Variants in PCSK2 observed in about 807,000 individuals in gnomAD.
The protein encoded by PCSK2 is proprotein convertase subtilisin/kexin type 2.
A neutral mutation model predicts 69.7 loss-of-function variants in PCSK2; 14 were observed. The observed-to-expected ratio is 0.20, with a 90% CI of 0.13 to 0.31. The LOEUF is 0.31. PCSK2 is among the 10% of genes least tolerant of loss of function. The pLI is 1.00. For synonymous variants in PCSK2, 307 were observed against 320.7 expected, an observed-to-expected ratio of 0.96 and a Z score of 0.46; for missense variants, 544 against 842.5, an observed-to-expected ratio of 0.65 and a Z score of 4.39.
intron 2 of PCSK2, among the ~76,000 whole-genome samples, chr20:17,305,000 A>G (rs1183248897): frequency 6.6e-6 from 1 of 151,972 alleles, no homozygotes; most frequent in Non-Finnish European, 1.5e-5. Context: ...TTTCAATCTC[A>G]TTTCACAAGC....
intron 2 of PCSK2, among the ~76,000 whole-genome samples, chr20:17,302,465 A>T (rs1321726207): frequency 4.6e-5 from 7 of 152,068 alleles, no homozygotes; most frequent in Admixed American, 4.6e-4. Context: ...TTTTCTTCTT[A>T]CTGAAGCACA....
At chr20:17,351,247 T>C (rs942273121) in intron 2 of PCSK2, among the ~76,000 whole-genome samples, 3 of 152,106 alleles carry the variant, frequency 2.0e-5, no homozygotes, top group Non-Finnish European at 4.4e-5. Context: ...TGAACTGGAA[T>C]TGTGAAATAG....
intron 5 of PCSK2, among the ~76,000 whole-genome samples, chr20:17,384,925 C>T (rs1351800519): frequency 6.6e-6 from 1 of 151,938 alleles, no homozygotes; most frequent in Non-Finnish European, 1.5e-5. Flanking sequence ...GCAACCCTGA[C>T]TCAAAAAAAT....
chr20:17,442,129 C>G (rs1281555393), intron 8 of PCSK2, among the ~76,000 whole-genome samples: 1 of 151,462 alleles, frequency 6.6e-6, no homozygotes, highest in East Asian at 1.9e-4. Flanking sequence ...CCCAGGAGAG[C>G]CAGAGATGGC....
chr20:17,267,034 C>A (rs1479404968), intron 2 of PCSK2, among the ~76,000 whole-genome samples: 1 of 152,166 alleles, frequency 6.6e-6, no homozygotes, highest in South Asian at 2.1e-4. Flanking sequence ...ATTCAAGAGG[C>A]ATTTTCTGGG....
chr20:17,239,219 A>T (rs1330982107), intron 1 of PCSK2, among the ~76,000 whole-genome samples: 1 of 152,138 alleles, frequency 6.6e-6, no homozygotes, highest in Admixed American at 6.5e-5. Context: ...GGGAAGAAAA[A>T]ATATCACTTT....
chr20:17,466,290 A>G (rs1245892485), intron 11 of PCSK2, among the ~76,000 whole-genome samples: 1 of 152,138 alleles, frequency 6.6e-6, no homozygotes, highest in Non-Finnish European at 1.5e-5. Context: ...ATCATACACT[A>G]TGTCCTGTTT....
chr20:17,316,026 C>T (rs753295013), intron 2 of PCSK2, among the ~76,000 whole-genome samples: 17 of 152,222 alleles, frequency 1.1e-4, no homozygotes, highest in Non-Finnish European at 2.2e-4. Flanking sequence ...ATTAACTCTG[C>T]CTCTCCAGTC....
chr20:17,358,135 C>CG (rs1873956895), intron 2 of PCSK2, among the ~76,000 whole-genome samples, 192 bp from the exon 3 acceptor site: 1 of 151,244 alleles, frequency 6.6e-6, no homozygotes, highest in Admixed American at 6.6e-5. Context: ...GCGAGACCCC[C>CG]CCTAATCTCT....
chr20:17,357,095 A>C (rs1196011232), intron 2 of PCSK2, among the ~76,000 whole-genome samples: 1 of 152,222 alleles, frequency 6.6e-6, no homozygotes, highest in Non-Finnish European at 1.5e-5. Flanking sequence ...GAGTTTGTAC[A>C]TGTTCGGAGA....
chr20:17,391,983 G>A (rs923574516), intron 5 of PCSK2, among the ~76,000 whole-genome samples: 2 of 150,362 alleles, frequency 1.3e-5, no homozygotes, highest in Non-Finnish European at 3.0e-5. Context: ...GAAGGGAAGG[G>A]AAGGAAGGAA....
intron 2 of PCSK2, among the ~76,000 whole-genome samples, chr20:17,286,610 C>G (rs968314794): frequency 6.6e-6 from 1 of 152,174 alleles, no homozygotes; most frequent in Non-Finnish European, 1.5e-5. Flanking sequence ...TGTAGCAATT[C>G]TTGCAAAGCA....
chr20:17,260,733 G>C (rs1311730007), intron 2 of PCSK2, among the ~76,000 whole-genome samples: 3 of 152,172 alleles, frequency 2.0e-5, no homozygotes, highest in Non-Finnish European at 4.4e-5. Context: ...GCTCAGAGGA[G>C]GTTGCCATGC....
chr20:17,246,931 C>T (rs547356544), intron 1 of PCSK2, among the ~76,000 whole-genome samples: 1 of 152,290 alleles, frequency 6.6e-6, no homozygotes, highest in Admixed American at 6.5e-5. Flanking sequence ...TCTTCTCTCT[C>T]CCTTTGCTCT....
At chr20:17,381,270 C>T (rs1342799081) in intron 5 of PCSK2, among the ~76,000 whole-genome samples, 2 of 152,184 alleles carry the variant, frequency 1.3e-5, no homozygotes, top group Admixed American at 6.5e-5. Context: ...TAGCAATGTT[C>T]CTTAACATCA....
At chr20:17,286,605 C>T (rs568919839) in intron 2 of PCSK2, among the ~76,000 whole-genome samples, 1 of 152,300 alleles carries the variant, frequency 6.6e-6, no homozygotes, top group South Asian at 2.1e-4. Flanking sequence ...AAAAATGTAG[C>T]AATTCTTGCA....
intron 2 of PCSK2, among the ~76,000 whole-genome samples, chr20:17,318,460 G>A (rs755336538): frequency 6.6e-5 from 10 of 152,126 alleles, no homozygotes; most frequent in Non-Finnish European, 1.3e-4. Flanking sequence ...TCATATAGAT[G>A]AAAAACAACA....
intron 1 of PCSK2, among the ~76,000 whole-genome samples, chr20:17,249,247 C>T (rs1177160451): frequency 1.3e-5 from 2 of 152,112 alleles, no homozygotes; most frequent in Non-Finnish European, 2.9e-5. Context: ...TGGCTCACGC[C>T]TGTAATCCCA....
chr20:17,257,057 T>C (rs1334219038), intron 1 of PCSK2, among the ~76,000 whole-genome samples: 4 of 152,132 alleles, frequency 2.6e-5, no homozygotes, highest in African/African-American at 9.7e-5. Flanking sequence ...GTCTTTGCTA[T>C]TGTGGAACTT....
Sources: allele counts gnomAD v4.1 joint callset (sites outside exome capture counted in the v4.1 genomes callset), GRCh38; gene constraint gnomAD v4.1.1; transcripts MANE v1.5; gene names NCBI Gene and HGNC (gene_info 2026-07-23, HGNC 2026-07-21).